PRKCA: variants seen among roughly 807,000 people sequenced by gnomAD.
PRKCA encodes the protein protein kinase C alpha.
Under a neutral mutation model 87.0 loss-of-function variants are expected in PRKCA, and 27 were observed. The observed-to-expected ratio is 0.31, with a 90% confidence interval of 0.23 to 0.43. PRKCA has a LOEUF of 0.43. Among genes scored for constraint, PRKCA ranks in the 20% least tolerant of loss-of-function variants. PRKCA has a pLI of 1.00. For synonymous variants in PRKCA, 329 were observed against 311.1 expected (o/e 1.06, Z -0.61); for missense variants, 518 against 852.3 (o/e 0.61, Z 4.88).
intron 14 of PRKCA, among the ~76,000 whole-genome samples, chr17:66,778,772 T>G (rs1975129085): frequency 2.0e-5 from 3 of 146,594 alleles, no homozygotes; most frequent in Admixed American, 6.9e-5. Context: ...GCCCGGGGGG[T>G]CAAGGCTAGC....
chr17:66,518,045 C>T (rs1967027232), intron 3 of PRKCA, among the ~76,000 whole-genome samples: 1 of 151,944 alleles, frequency 6.6e-6, no homozygotes, highest in East Asian at 1.9e-4. Flanking sequence ...CCTTACCTCC[C>T]AGTAGCTGAG....
intron 3 of PRKCA, among the ~76,000 whole-genome samples, chr17:66,548,078 G>A (rs987563731): frequency 1.3e-5 from 2 of 152,204 alleles, no homozygotes; most frequent in Non-Finnish European, 2.9e-5. Flanking sequence ...GAAACCATAC[G>A]AATTGTAGCT....
chr17:66,539,495 T>C (rs1015819048), intron 3 of PRKCA, among the ~76,000 whole-genome samples: 6 of 151,650 alleles, frequency 4.0e-5, no homozygotes, highest in African/African-American at 1.5e-4. Flanking sequence ...GCTCCGCCTC[T>C]CAGGTTCACG....
At chr17:66,450,310 C>T (rs188657107) in intron 2 of PRKCA, among the ~76,000 whole-genome samples, 21 of 152,288 alleles carry the variant, frequency 1.4e-4, no homozygotes, top group Admixed American at 1.3e-3. Flanking sequence ...AAGAGAGACA[C>T]AGTCCCTCTT....
intron 3 of PRKCA, among the ~76,000 whole-genome samples, chr17:66,631,442 A>T (rs868015673): frequency 2.0e-5 from 3 of 152,210 alleles, no homozygotes; most frequent in Non-Finnish European, 2.9e-5. Flanking sequence ...GGGTCTCACT[A>T]TGTTGCCCAG....
chr17:66,338,611 G>T (rs1039550521), intron 2 of PRKCA, among the ~76,000 whole-genome samples: 5 of 152,022 alleles, frequency 3.3e-5, no homozygotes, highest in Non-Finnish European at 7.3e-5. Flanking sequence ...GGGTTTCCAG[G>T]CTGTTATTCA....
intron 2 of PRKCA, among the ~76,000 whole-genome samples, chr17:66,397,078 G>A (rs1383566720): frequency 2.2e-5 from 3 of 138,192 alleles, no homozygotes; most frequent in African/African-American, 8.0e-5. Context: ...CGATTCTCCT[G>A]CCTCAGCCTC....
At chr17:66,319,386 G>A (rs1418798490) in intron 2 of PRKCA, among the ~76,000 whole-genome samples, 1 of 152,176 alleles carries the variant, frequency 6.6e-6, no homozygotes, top group Non-Finnish European at 1.5e-5. Context: ...GTTTTTGGCT[G>A]ACTTACCCGT....
rs57610655 is a variant in PRKCA at position 66,613,779 on chromosome 17, C to CTTTT, written c.289-27553_289-27550dup. Among the ~76,000 whole-genome samples, 173 of 69,412 alleles carry CTTTT rather than the reference C, an allele frequency of 2.5e-3. 38 individuals carry two copies. Among genetic ancestry groups the CTTTT allele is most frequent in the Non-Finnish European group, 2.6e-3 (110 of 41,540 alleles). The allele number at this position is 69,412 out of a possible 152,430, so 45.5% of individuals were successfully genotyped here. A position where few individuals can be genotyped will look rare whatever the true frequency, so the allele number is the denominator to read the frequency against. On this transcript the variant is annotated intron_variant, in intron 3 of 16. Transcript: ENST00000413366. ...CACCTTAATCCAGTATGACTTCATC[C>CTTTT]TTTTTTTTTTTTTTTTTTTTTTTTT...
chr17:66,496,393 C>G (rs1265241002), intron 3 of PRKCA, 110 bp downstream of exon 3: 1 of 871,668 alleles, frequency 1.1e-6, no homozygotes, highest in Admixed American at 2.1e-5. Flanking sequence ...TGGGAAGACT[C>G]AATTCTCATA....
intron 5 of PRKCA, among the ~76,000 whole-genome samples, chr17:66,682,138 G>A (rs1254970567): frequency 6.6e-6 from 1 of 152,146 alleles, no homozygotes; most frequent in Admixed American, 6.5e-5. Context: ...CATGTCCTGG[G>A]TTCCCGAGCC....
rs1976134006 is a variant in PRKCA, at chr17:66,810,171, CTG to C, written c.*6138_*6139del. 1.3e-5 allele frequency: 2 copies of C among 152,200 alleles called. No individual in the cohort carries two copies. The highest frequency in any genetic ancestry group is 2.9e-5 in the Non-Finnish European group (2 of 68,034). The allele number at this position is 152,200 out of a possible 1,614,324, so 9.4% of individuals were successfully genotyped here. A position where few individuals can be genotyped will look rare whatever the true frequency, so the allele number is the denominator to read the frequency against. On this transcript the variant is annotated 3_prime_UTR_variant, in exon 17 of 17. Coordinates refer to ENST00000413366, the MANE Select transcript of PRKCA (RefSeq NM_002737.3). ...GGCTTTGCATTTTCTGATTAAACGA[CTG>C]TGTCTTTGTCACCTCTGCTTAACTT...
intron 2 of PRKCA, among the ~76,000 whole-genome samples, chr17:66,354,091 C>G (rs747709479): frequency 1.3e-5 from 2 of 152,094 alleles, no homozygotes; most frequent in Non-Finnish European, 2.9e-5. Context: ...TGAGAGAGCT[C>G]GTGGCTAGGA....
intron 2 of PRKCA, among the ~76,000 whole-genome samples, chr17:66,466,105 A>G (rs1280959495): frequency 6.6e-6 from 1 of 152,246 alleles, no homozygotes; most frequent in Non-Finnish European, 1.5e-5. Context: ...GTTTTGTTAC[A>G]TAGCTGCTGT....
chr17:66,438,217 C>T lies in PRKCA; in HGVS notation c.206-57984C>T, dbSNP rs143458999. Among the ~76,000 whole-genome samples, 540 of 152,268 alleles carry T rather than the reference C, an allele frequency of 3.5e-3. 14 individuals are homozygous for T. In the Middle Eastern group the frequency reaches 0.071, roughly 20 times the overall value. On this transcript the variant is annotated intron_variant, in intron 2 of 16. Coordinates refer to ENST00000413366, the MANE Select transcript of PRKCA (RefSeq NM_002737.3). Reference sequence around the variant, plus strand: ...ATTAAAGGATCTGGTGACCTTGGGACCCCGCACTTGCTTGGCAGTGACAGT... The same window carrying T: ...ATTAAAGGATCTGGTGACCTTGGGATCCCGCACTTGCTTGGCAGTGACAGT...
chr17:66,365,302 C>A (rs977678131), intron 2 of PRKCA, among the ~76,000 whole-genome samples: 6 of 152,016 alleles, frequency 3.9e-5, no homozygotes, highest in African/African-American at 1.5e-4. Context: ...ATGTATTCTA[C>A]GGGAGGGAGG....
intron 2 of PRKCA, among the ~76,000 whole-genome samples, chr17:66,356,315 A>G (rs1258615692): frequency 6.6e-6 from 1 of 152,078 alleles, no homozygotes; most frequent in East Asian, 1.9e-4. Context: ...CCACTTTTTT[A>G]AAAGACACCA....
intron 5 of PRKCA, among the ~76,000 whole-genome samples, chr17:66,671,396 T>C (rs73328240): frequency 0.15 from 22,451 of 151,814 alleles, 1,938 homozygotes; most frequent in East Asian, 0.29. Flanking sequence ...TTGTCCTAGG[T>C]ACTGCTTAAT....
At position 66,729,434 on chromosome 17, in the gene PRKCA, G is replaced by A. The variant is rs75590474; in HGVS notation, c.919-3254G>A. Among the ~76,000 whole-genome samples the A allele has an allele frequency of 9.5e-3, 1,448 of 152,244 alleles. 13 individuals carry two copies. The highest frequency in any genetic ancestry group is 0.015 in the Non-Finnish European group (996 of 67,998). The stretch of plus-strand genomic sequence containing the variant: ...AAATAAAAATTAAAAATTAAATGTA[G>A]ACACAGCCTAGGAAGTTTCTCAACT... On this transcript the variant is annotated intron_variant, in intron 8 of 16. Coordinates refer to ENST00000413366, the MANE Select transcript of PRKCA (RefSeq NM_002737.3).
Sources: allele counts gnomAD v4.1 joint callset (sites outside exome capture counted in the v4.1 genomes callset), GRCh38; gene constraint gnomAD v4.1.1; transcripts MANE v1.5; gene names NCBI Gene and HGNC (gene_info 2026-07-23, HGNC 2026-07-21).